KLF13: variants seen among roughly 807,000 people sequenced by gnomAD.
KLF13 encodes the protein KLF transcription factor 13.
In KLF13, 8 loss-of-function variants were observed where a neutral mutation model predicts 16.7. That is an observed-to-expected ratio of 0.48 (90% CI 0.28 to 0.87). The LOEUF is 0.87. Ranked by LOEUF, KLF13 falls within the 40% of genes least tolerant of loss-of-function variation. The probability of loss-of-function intolerance (pLI) is 0.10; values close to 1 mark genes in which losing one functional copy is unlikely to be tolerated. For synonymous variants in KLF13, 245 were observed against 208.4 expected, an observed-to-expected ratio of 1.18 and a Z score of -1.51; for missense variants, 447 against 452.2, an observed-to-expected ratio of 0.99 and a Z score of 0.10.
chr15:31,358,026 G>C (rs1464114468), intron 1 of KLF13, among the ~76,000 whole-genome samples: 1 of 152,196 alleles, frequency 6.6e-6, no homozygotes, highest in Non-Finnish European at 1.5e-5. Context: ...GCTTTATCCA[G>C]AGTTCCTGTT....
intron 1 of KLF13, among the ~76,000 whole-genome samples, chr15:31,335,433 G>T (rs565138563): frequency 4.2e-4 from 47 of 111,232 alleles, no homozygotes; most frequent in African/African-American, 1.5e-3. Flanking sequence ...GTGTGTGTGT[G>T]TATGTGTGTG....
intron 1 of KLF13, among the ~76,000 whole-genome samples, chr15:31,347,433 C>T (rs906483551): frequency 6.6e-6 from 1 of 152,180 alleles, no homozygotes; most frequent in Admixed American, 6.5e-5. Context: ...GTGGCAAGCC[C>T]GCTAGAACCT....
chr15:31,391,783 G>A (rs955454798), upstream of KLF13, among the ~76,000 whole-genome samples: 5 of 152,090 alleles, frequency 3.3e-5, no homozygotes, highest in African/African-American at 7.2e-5. Context: ...AGGAGCCCTC[G>A]AGGAGTCCGC....
At chr15:31,397,954 GT>G (rs2039978473) in intron 2 of KLF13, among the ~76,000 whole-genome samples, 1 of 152,018 alleles carries the variant, frequency 6.6e-6, no homozygotes, top group African/African-American at 2.4e-5. Flanking sequence ...CCTCTGGCAA[GT>G]GCCTCTCCAG....
At chr15:31,367,833 C>T (rs990802892) in intron 1 of KLF13, among the ~76,000 whole-genome samples, 12 of 152,192 alleles carry the variant, frequency 7.9e-5, no homozygotes, top group South Asian at 2.1e-4. Flanking sequence ...CGCATGAGGA[C>T]GGGGCAGTGT....
At chr15:31,356,808 C>T (rs1366748875) in intron 1 of KLF13, among the ~76,000 whole-genome samples, 1 of 152,230 alleles carries the variant, frequency 6.6e-6, no homozygotes, top group Non-Finnish European at 1.5e-5. Context: ...CTTTGCCTCT[C>T]AGGGCCTTTT....
downstream of KLF13, among the ~76,000 whole-genome samples, chr15:31,407,162 C>T (rs2040139826): frequency 6.6e-6 from 1 of 152,096 alleles, no homozygotes; most frequent in South Asian, 2.1e-4. Flanking sequence ...TTAAAACTTT[C>T]TCAAGTTATT....
At chr15:31,361,442 A>G (rs1353795986) in intron 1 of KLF13, among the ~76,000 whole-genome samples, 3 of 152,152 alleles carry the variant, frequency 2.0e-5, no homozygotes, top group South Asian at 2.1e-4. Context: ...AGTGCAGGCC[A>G]AAAGTAAAAG....
chr15:31,327,546 G>A lies in KLF13; in HGVS notation c.334G>A (p.Gly112Ser). The part of the protein sequence containing the change: ...APEPTSPGAE[G>S]AAAAPPSPAW... ...CGAGCCCACCTCCCCCGGCGCCGAA[G>A]GCGCGGCGGCCGCGCCCCCCAGCCC... Residue 112 changes from glycine (G) to serine (S), a missense_variant, in exon 1 of 2, where the codon GGC becomes AGC. This residue lies in a region of KLF13 where 359 missense variants were observed against 282.8 expected (regional missense o/e 1.27). Coordinates refer to ENST00000307145, the MANE Select transcript of KLF13 (RefSeq NM_015995.4). 9.0e-7 allele frequency: 1 copy of A among 1,110,328 alleles called. No homozygotes were observed. Among genetic ancestry groups the A allele is most frequent in the Non-Finnish European group, 1.1e-6 (1 of 909,690 alleles). The allele number at this position is 1,110,328 out of a possible 1,614,324, so 68.8% of individuals were successfully genotyped here. A position where few individuals can be genotyped will look rare whatever the true frequency, so the allele number is the denominator to read the frequency against.
intron 1 of KLF13, among the ~76,000 whole-genome samples, chr15:31,335,370 G>C (rs2038910147): frequency 1.3e-5 from 2 of 151,024 alleles, no homozygotes; most frequent in African/African-American, 2.4e-5. Context: ...CACTGCTTCA[G>C]TTCCCCTCCT....
intron 2 of KLF13, among the ~76,000 whole-genome samples, chr15:31,398,339 C>T (rs570495024): frequency 3.3e-5 from 5 of 152,230 alleles, no homozygotes; most frequent in East Asian, 1.9e-4. Flanking sequence ...GCAGCACTGA[C>T]GAGTTTAGAA....
Position 31,369,689 on chromosome 15 carries a change from C to T in KLF13, c.578-2321C>T, listed in dbSNP as rs563521094. On this transcript the variant is annotated intron_variant, in intron 1 of 1. Coordinates refer to ENST00000307145, the MANE Select transcript of KLF13 (RefSeq NM_015995.4). ...TTGGTCCTGTGCTCCAGTGACCTCC[C>T]GGGGTCTCTGCCTCACTCTTGTCAT... Among the ~76,000 whole-genome samples the T allele has an allele frequency of 8.5e-5, 13 of 152,274 alleles. No individual in the cohort carries two copies. In the South Asian group the frequency reaches 1.5e-3, roughly 17 times the overall value.
intron 1 of KLF13, among the ~76,000 whole-genome samples, chr15:31,347,642 T>C (rs2039145595): frequency 6.6e-6 from 1 of 152,104 alleles, no homozygotes; most frequent in Admixed American, 6.5e-5. Context: ...GGCGGGGCAG[T>C]GTGACTTGGG....
rs116548691 is a variant in KLF13 at position 31,363,462 on chromosome 15, T to C, written c.578-8548T>C. ...TGGTGACTTTGTTCATGGAGAAGTA[T>C]AGTATACTGTTTTGTGCAGTCAAAT... On this transcript the variant is annotated intron_variant, in intron 1 of 1. Coordinates refer to ENST00000307145, the MANE Select transcript of KLF13 (RefSeq NM_015995.4). Among the ~76,000 whole-genome samples, 868 of 152,362 alleles carry C rather than the reference T, an allele frequency of 5.7e-3. 10 individuals are homozygous for C. Among genetic ancestry groups the C allele is most frequent in the African/African-American group, 0.02 (842 of 41,584 alleles).
chr15:31,366,012 G>T (rs2039463878), intron 1 of KLF13: 1 of 152,186 alleles, frequency 6.6e-6, no homozygotes, highest in South Asian at 2.1e-4. Flanking sequence ...TCGGGGCGCT[G>T]CTCCGCTCGC....
chr15:31,405,202 T>G (rs751712253), downstream of KLF13, among the ~76,000 whole-genome samples: 50 of 152,100 alleles, frequency 3.3e-4, no homozygotes, highest in Non-Finnish European at 5.1e-4. Flanking sequence ...TAATTCCAGC[T>G]ACTCTGGAGG....
intron 1 of KLF13, among the ~76,000 whole-genome samples, chr15:31,337,954 G>A (rs2140936368): frequency 6.6e-6 from 1 of 152,324 alleles, no homozygotes; most frequent in South Asian, 2.1e-4. Flanking sequence ...GACAGAGCAG[G>A]AGCCTGTCAG....
At chr15:31,349,456 G>A (rs1234966585) in intron 1 of KLF13, among the ~76,000 whole-genome samples, 1 of 152,228 alleles carries the variant, frequency 6.6e-6, no homozygotes, top group African/African-American at 2.4e-5. Flanking sequence ...CCACCATGCC[G>A]AGGACCTGGG....
chr15:31,383,763 G>A (rs534475762), intron 1 of KLF13, among the ~76,000 whole-genome samples: 50 of 152,182 alleles, frequency 3.3e-4, no homozygotes, highest in African/African-American at 8.4e-4. Flanking sequence ...TTAGCTGGGC[G>A]TGGTGGTGGG....
Sources: gnomAD v4.1 joint callset for allele counts (sites outside exome capture counted in the v4.1 genomes callset) on GRCh38, gnomAD v4.1.1 for gene constraint, gnomAD v4.1.1 regional missense constraint, MANE v1.5 for transcripts, NCBI Gene and HGNC (gene_info 2026-07-23, HGNC 2026-07-21) for gene names.